The following CAPRIN1 variants were observed in gnomAD, a reference collection of about 807,000 sequenced individuals.
The protein encoded by CAPRIN1 is cell cycle associated protein 1.
In CAPRIN1, 29 loss-of-function variants were observed where a neutral mutation model predicts 100.9. That is an observed-to-expected ratio of 0.29 (90% CI 0.21 to 0.39). CAPRIN1 has a LOEUF of 0.39. CAPRIN1 is among the 10% of genes least tolerant of loss of function. The pLI is 1.00. For synonymous variants in CAPRIN1, 338 were observed against 307.5 expected, an observed-to-expected ratio of 1.10 and a Z score of -1.04; for missense variants, 795 against 876.7, an observed-to-expected ratio of 0.91 and a Z score of 1.18.
At chr11:34,087,876 C>G (rs939822997) in intron 11 of CAPRIN1, among the ~76,000 whole-genome samples, 1 of 152,134 alleles carries the variant, frequency 6.6e-6, no homozygotes, top group African/African-American at 2.4e-5. Flanking sequence ...TTCTAAATGA[C>G]TAACCAAAGA....
At chr11:34,079,988 A>G (rs969618108) in intron 7 of CAPRIN1, among the ~76,000 whole-genome samples, 7 of 142,688 alleles carry the variant, frequency 4.9e-5, no homozygotes, top group Non-Finnish European at 9.0e-5. Context: ...CAGTGGCGTG[A>G]TCTCGGCTCA....
At chr11:34,088,883 A>G (rs1303373173) in intron 11 of CAPRIN1, among the ~76,000 whole-genome samples, 1 of 152,232 alleles carries the variant, frequency 6.6e-6, no homozygotes, top group Admixed American at 6.5e-5. Context: ...CCGGTAAACC[A>G]AAATGCTCAC....
rs1354357752 is a variant in CAPRIN1 at position 34,090,706 on chromosome 11, C to T, written c.1554+28C>T. 4 of 1,598,674 alleles carry T rather than the reference C, an allele frequency of 2.5e-6. No homozygotes were observed. The African/African-American group carries it at 5.4e-5, about 21-fold the overall frequency. On this transcript the variant is annotated intron_variant, in intron 14 of 18. Coordinates refer to ENST00000341394, the MANE Select transcript of CAPRIN1 (RefSeq NM_005898.5). ...AAGCAAATTAACTAACATTAATTGC[C>T]TAGTATGTAATATGAATCATGGTAG...
intron 2 of CAPRIN1, among the ~76,000 whole-genome samples, chr11:34,060,290 G>T (rs1850550523): frequency 6.8e-6 from 1 of 147,956 alleles, no homozygotes; most frequent in Non-Finnish European, 1.5e-5. Flanking sequence ...TAGAACCATT[G>T]TACATTATTG....
intron 2 of CAPRIN1, among the ~76,000 whole-genome samples, chr11:34,061,243 G>C (rs1398311685): frequency 4.2e-5 from 1 of 23,862 alleles, no homozygotes; most frequent in East Asian, 1.1e-3. Context: ...TTTTGCTTTT[G>C]TTGCCCAGGC....
At chr11:34,060,152 C>T (rs1235618673) in intron 2 of CAPRIN1, among the ~76,000 whole-genome samples, 3 of 141,806 alleles carry the variant, frequency 2.1e-5, no homozygotes, top group South Asian at 2.2e-4. Context: ...GCCGAGATCG[C>T]GCCACTGTTC....
intron 14 of CAPRIN1, among the ~76,000 whole-genome samples, chr11:34,091,326 G>A (rs1019387193): frequency 6.6e-6 from 1 of 152,096 alleles, no homozygotes; most frequent in South Asian, 2.1e-4. Flanking sequence ...TTGCTCCGTC[G>A]CCCAGGCTGG....
chr11:34,082,818 C>A lies in CAPRIN1; in HGVS notation c.827-7C>A, dbSNP rs781451918. ...CTTTTGTTTTGCACCATTTTTTAAC[C>A]TCTTAGAACCTGAGCCAGCAGAAGA... is the stretch of plus-strand genomic sequence containing the variant. On this transcript the variant is annotated splice_region_variant and splice_polypyrimidine_tract_variant and intron_variant, in intron 7 of 18. Coordinates refer to ENST00000341394, the MANE Select transcript of CAPRIN1 (RefSeq NM_005898.5). The A allele has an allele frequency of 1.9e-6, 3 of 1,611,980 alleles. No homozygotes were observed. The highest frequency in any genetic ancestry group is 2.5e-6 in the Non-Finnish European group (3 of 1,179,214).
intron 15 of CAPRIN1, among the ~76,000 whole-genome samples, chr11:34,093,071 T>G (rs1438848302): frequency 1.3e-5 from 2 of 151,648 alleles, no homozygotes; most frequent in Non-Finnish European, 2.9e-5. Flanking sequence ...GAGCTCACTA[T>G]GATGCCAGGC....
chr11:34,099,211 C>T, intron 18 of CAPRIN1, 92 bp from the exon 19 acceptor site: 2 of 1,540,082 alleles, frequency 1.3e-6, no homozygotes, highest in Non-Finnish European at 1.8e-6. Context: ...TGACAGGCTG[C>T]CCACATGCTT....
intron 4 of CAPRIN1, among the ~76,000 whole-genome samples, chr11:34,072,667 G>A (rs977964833): frequency 2.6e-5 from 4 of 152,154 alleles, no homozygotes; most frequent in Non-Finnish European, 5.9e-5. Flanking sequence ...AAACCTTTGG[G>A]AATAAGGACA....
rs151283771 is a variant in CAPRIN1 at position 34,073,355 on chromosome 11, C to T, written c.366+1368C>T. On this transcript the variant is annotated intron_variant, in intron 4 of 18. Transcript: ENST00000341394. Reference sequence around the variant, plus strand: ...ATGGGCAGAGGCCATCACAGTGCCTCGGTTTTCTAATCTGTAAAGTGGTAA... The same window carrying T: ...ATGGGCAGAGGCCATCACAGTGCCTTGGTTTTCTAATCTGTAAAGTGGTAA... Among the ~76,000 whole-genome samples, 452 of 152,290 alleles carry T rather than the reference C, an allele frequency of 3.0e-3. 6 individuals carry two copies. The highest frequency in any genetic ancestry group is 0.027 in the Admixed American group (413 of 15,296).
chr11:34,059,081 C>T (rs1850518393), intron 2 of CAPRIN1, among the ~76,000 whole-genome samples: 1 of 152,144 alleles, frequency 6.6e-6, no homozygotes, highest in Admixed American at 6.5e-5. Context: ...TTCACTAGCT[C>T]TACTACAGTG....
At chr11:34,067,414 T>C (rs1374641438) in intron 2 of CAPRIN1, among the ~76,000 whole-genome samples, 2 of 152,182 alleles carry the variant, frequency 1.3e-5, no homozygotes, top group Non-Finnish European at 2.9e-5. Context: ...AGTTATTGGA[T>C]TGAAACATGA....
chr11:34,064,060 G>C (rs771799939), intron 2 of CAPRIN1, among the ~76,000 whole-genome samples: 1 of 152,100 alleles, frequency 6.6e-6, no homozygotes, highest in Non-Finnish European at 1.5e-5. Flanking sequence ...GAGCCACCGC[G>C]CCTGGCCTGA....
At position 34,072,135 on chromosome 11, in the gene CAPRIN1, A is replaced by C. The variant is rs1590730086; in HGVS notation, c.366+148A>C. 6.7e-6 allele frequency: 4 copies of C among 592,812 alleles called. No individual in the cohort carries two copies. The East Asian group carries it at 8.6e-5, about 13-fold the overall frequency. 36.7% of individuals were successfully genotyped at this position (592,812 alleles called of 1,614,324 possible). On this transcript the variant is annotated intron_variant, in intron 4 of 18. Coordinates refer to ENST00000341394, the MANE Select transcript of CAPRIN1 (RefSeq NM_005898.5). Reference sequence around the variant, plus strand: ...ATGCCTTCACATTCTGTAAAGTAAAATGTAACACCTGAAAGATGTCTTTTA... The same window carrying C: ...ATGCCTTCACATTCTGTAAAGTAAACTGTAACACCTGAAAGATGTCTTTTA...
chr11:34,067,224 C>T lies in CAPRIN1; in HGVS notation c.217-4502C>T, dbSNP rs149467573. Among the ~76,000 whole-genome samples, 214 of 152,140 alleles carry T rather than the reference C, an allele frequency of 1.4e-3. 1 individual carries two copies. The East Asian group carries it at 0.037, about 26-fold the overall frequency. ...GGATTACAGGTGTGAGCCATGGCGT[C>T]GGGACCTGTACCTTTGATTTACTAC... On this transcript the variant is annotated intron_variant, in intron 2 of 18. Transcript: ENST00000341394.
intron 12 of CAPRIN1, 105 bp from the exon 13 acceptor site, chr11:34,090,074 C>CAGTT (rs1851232543): frequency 1.1e-5 from 6 of 561,078 alleles, no homozygotes; most frequent in Non-Finnish European, 1.9e-5. Flanking sequence ...CCTTCTTTAG[C>CAGTT]AGTTGTATCT....
chr11:34,084,349 A>G (rs2134121896), intron 9 of CAPRIN1, among the ~76,000 whole-genome samples: 1 of 152,312 alleles, frequency 6.6e-6, no homozygotes, highest in African/African-American at 2.4e-5. Flanking sequence ...TTACCCCAGA[A>G]AGGTACTTGG....
Sources: gnomAD v4.1 joint callset for allele counts (sites outside exome capture counted in the v4.1 genomes callset) on GRCh38, gnomAD v4.1.1 for gene constraint, MANE v1.5 for transcripts, NCBI Gene and HGNC (gene_info 2026-07-23, HGNC 2026-07-21) for gene names.